SCARB2: variants seen among roughly 807,000 people sequenced by gnomAD.
SCARB2 encodes the protein scavenger receptor class B member 2, also known as lysosome membrane protein 2.
In SCARB2, 29 loss-of-function variants were observed where a neutral mutation model predicts 58.6. The ratio of observed to expected loss-of-function variants is 0.49; its 90% CI spans 0.37 to 0.67. The LOEUF (loss-of-function observed/expected upper bound fraction) is 0.67, where lower values mean the gene tolerates loss of function less well. Ranked by LOEUF, SCARB2 falls within the 30% of genes least tolerant of loss-of-function variation. The pLI, the probability that SCARB2 is intolerant of heterozygous loss-of-function variation, is 0.00. For synonymous variants in SCARB2, 195 were observed against 210.1 expected, an observed-to-expected ratio of 0.93 and a Z score of 0.62; for missense variants, 488 against 578.5, an observed-to-expected ratio of 0.84 and a Z score of 1.60.
chr4:76,200,609 G>A (rs955231781), intron 1 of SCARB2, among the ~76,000 whole-genome samples: 1 of 152,198 alleles, frequency 6.6e-6, no homozygotes, highest in Non-Finnish European at 1.5e-5. Flanking sequence ...AAACCAACAT[G>A]CATGTAACAG....
Position 76,161,183 on chromosome 4 carries a change from T to C in SCARB2, c.*530A>G, listed in dbSNP as rs1731890234. The C allele has an allele frequency of 6.2e-6, 1 of 160,866 alleles. No homozygotes were observed. Among genetic ancestry groups the C allele is most frequent in the African/African-American group, 2.4e-5 (1 of 41,488 alleles). 10.0% of individuals were successfully genotyped at this position (160,866 alleles called of 1,614,324 possible). On this transcript the variant is annotated 3_prime_UTR_variant, in exon 12 of 12. Coordinates refer to ENST00000264896, the MANE Select transcript of SCARB2 (RefSeq NM_005506.4). ...AACTGAAGATCAGCATAAAATGTAATATGTTTTAGAAATCAGATGCATTTG... is the reference window on the plus strand; with the variant it reads ...AACTGAAGATCAGCATAAAATGTAACATGTTTTAGAAATCAGATGCATTTG...
intron 7 of SCARB2, among the ~76,000 whole-genome samples, chr4:76,171,714 G>A (rs909496270): frequency 2.0e-5 from 3 of 152,028 alleles, no homozygotes; most frequent in African/African-American, 4.8e-5. Context: ...ACCAGATGAG[G>A]GGGCAGGGAC....
At position 76,179,518 on chromosome 4, in the gene SCARB2, T is replaced by A; in HGVS notation, c.611A>T (p.Glu204Val). The A allele has an allele frequency of 6.2e-7, 1 of 1,612,032 alleles. No homozygotes were observed. The highest frequency in any genetic ancestry group is 2.2e-5 in the East Asian group (1 of 44,882). ...DISPYFGLFY[E>V]KNGTNDGDYV... ...TTCTGAAAAGAAAAATCTACTTACC[T>A]CATAGAATAGGCCAAAATAGGGAGA... The change falls in exon 4 of 12, where the codon GAG (glutamate) becomes GTG (valine). Residue 204 changes from glutamate (E) to valine (V), a missense_variant and splice_region_variant. Transcript: ENST00000264896.
At chr4:76,162,152 A>G (rs1731913042) in intron 11 of SCARB2, 1 of 225,860 alleles carries the variant, frequency 4.4e-6, no homozygotes, top group African/African-American at 2.3e-5. Context: ...TAACATTTCC[A>G]TGAGGTTTCA....
chr4:76,166,034 T>C (rs1436887372), intron 10 of SCARB2: 1 of 626,048 alleles, frequency 1.6e-6, no homozygotes, highest in East Asian at 2.7e-5. Context: ...AATAGTGTTC[T>C]TGAGAAGGAA....
intron 3 of SCARB2, 96 bp from the exon 4 acceptor site, chr4:76,179,801 T>C: frequency 2.1e-6 from 2 of 962,116 alleles, no homozygotes; most frequent in African/African-American, 1.6e-5. Flanking sequence ...GTTGGAAATA[T>C]AAATGTAAAG....
intron 2 of SCARB2, among the ~76,000 whole-genome samples, chr4:76,186,406 A>G (rs564234994): frequency 7.6e-4 from 116 of 152,258 alleles, no homozygotes; most frequent in African/African-American, 2.7e-3. Context: ...TGAACACATC[A>G]ACGTGAAAGG....
exon 1 of SCARB2, chr4:76,234,338 T>A (rs1445013304): frequency 6.5e-6 from 1 of 152,788 alleles, no homozygotes; most frequent in Non-Finnish European, 1.5e-5. Context: ...TCAAAAATGT[T>A]GCAGGACTTT....
At chr4:76,234,501 T>C (rs1031757783) in exon 1 of SCARB2, 2 of 152,090 alleles carry the variant, frequency 1.3e-5, no homozygotes, top group Non-Finnish European at 2.9e-5. Context: ...CCTGCTAGAA[T>C]GCTTCCTGCT....
In SCARB2 at chr4:76,161,383, T is replaced by G; in HGVS notation, c.*330A>C. 1 of 395,366 alleles carries G rather than the reference T, an allele frequency of 2.5e-6. No individual in the cohort carries two copies. Among genetic ancestry groups the G allele is most frequent in the South Asian group, 2.8e-5 (1 of 36,356 alleles). 24.5% of individuals were successfully genotyped at this position (395,366 alleles called of 1,614,324 possible). On this transcript the variant is annotated 3_prime_UTR_variant, in exon 12 of 12. Transcript: ENST00000264896. The stretch of plus-strand genomic sequence containing the variant: ...TTAGACCAGTAGCATTAACAAGTGA[T>G]GCAGAGACATTTTACCCACAATAGT...
upstream of SCARB2, among the ~76,000 whole-genome samples, chr4:76,215,534 G>A (rs1045790173): frequency 6.6e-6 from 1 of 152,232 alleles, no homozygotes; most frequent in Non-Finnish European, 1.5e-5. Flanking sequence ...TCGTTGAGAG[G>A]TGGGGTCTAT....
chr4:76,205,491 A>AT (rs1362083530), intron 1 of SCARB2, among the ~76,000 whole-genome samples: 2 of 152,244 alleles, frequency 1.3e-5, no homozygotes, highest in African/African-American at 4.8e-5. Flanking sequence ...TTCACTATGT[A>AT]TATCTATATG....
chr4:76,161,888 C>G lies in SCARB2; in HGVS notation c.1399-137G>C, dbSNP rs1359204061. ...AGGTGGCTCATCTCACTCACCTCCC[C>G]TCTTGGGCTGCTGCTTGTTCTTGAA... On this transcript the variant is annotated intron_variant, in intron 11 of 11. Transcript: ENST00000264896. 15 of 772,742 alleles carry G rather than the reference C, an allele frequency of 1.9e-5. No homozygotes were observed. In the East Asian group the frequency reaches 3.5e-4, roughly 18 times the overall value. The allele number at this position is 772,742 out of a possible 1,614,324, so 47.9% of individuals were successfully genotyped here.
In SCARB2 at chr4:76,159,186, G is replaced by A. The variant is rs1311819334; in HGVS notation, c.*2527C>T. ...TTGGTTTCTTCCTCTCTAAGTTGAG[G>A]ATCATGGTACCAGAAGCTTGCATTC... On this transcript the variant is annotated 3_prime_UTR_variant, in exon 12 of 12. Coordinates refer to ENST00000264896, the MANE Select transcript of SCARB2 (RefSeq NM_005506.4). The A allele has an allele frequency of 2.0e-5, 3 of 152,174 alleles. No individual in the cohort carries two copies. The highest frequency in any genetic ancestry group is 4.8e-5 in the African/African-American group (2 of 41,418). The allele number at this position is 152,174 out of a possible 1,614,324, so 9.4% of individuals were successfully genotyped here. A position where few individuals can be genotyped will look rare whatever the true frequency, so the allele number is the denominator to read the frequency against.
At chr4:76,229,060 T>C (rs934932382) in intron 1 of SCARB2, among the ~76,000 whole-genome samples, 3 of 152,166 alleles carry the variant, frequency 2.0e-5, no homozygotes, top group African/African-American at 7.2e-5. Flanking sequence ...CTTTGTCAGA[T>C]TGGGTTAATT....
intron 10 of SCARB2, 26 bp downstream of exon 10, chr4:76,166,224 G>A (rs767528534): frequency 1.9e-5 from 30 of 1,612,312 alleles, no homozygotes; most frequent in African/African-American, 6.7e-5. Flanking sequence ...GAAAACACCC[G>A]TGGCTCCCTC....
intron 2 of SCARB2, among the ~76,000 whole-genome samples, chr4:76,181,981 G>A (rs779600132): frequency 1.3e-5 from 2 of 152,134 alleles, no homozygotes; most frequent in East Asian, 1.9e-4. Flanking sequence ...TGTGAGTGAT[G>A]TAAGAGGTGC....
chr4:76,210,238 A>G (rs997664197), intron 1 of SCARB2, among the ~76,000 whole-genome samples: 3 of 152,184 alleles, frequency 2.0e-5, no homozygotes, highest in Admixed American at 6.5e-5. Flanking sequence ...TATTTTCAAA[A>G]TGAGGATCCT....
chr4:76,190,586 C>T (rs1351684577), intron 2 of SCARB2, among the ~76,000 whole-genome samples: 2 of 152,058 alleles, frequency 1.3e-5, no homozygotes, highest in African/African-American at 4.8e-5. Flanking sequence ...GAGTTCGAGA[C>T]CAGCCTGGTC....
Sources: gnomAD v4.1 joint callset for allele counts (sites outside exome capture counted in the v4.1 genomes callset) on GRCh38, gnomAD v4.1.1 for gene constraint, MANE v1.5 for transcripts, NCBI Gene and HGNC (gene_info 2026-07-23, HGNC 2026-07-21) for gene names.